CLNK: variants seen among roughly 807,000 people sequenced by gnomAD.
CLNK encodes cytokine-dependent hematopoietic cell linker.
Under a neutral mutation model 68.6 loss-of-function variants are expected in CLNK, and 74 were observed. The ratio of observed to expected loss-of-function variants is 1.08; its 90% CI spans 0.89 to 1.31. CLNK has a LOEUF of 1.31. CLNK is among the 50% of genes most tolerant of loss of function. The pLI is 0.00. For synonymous variants in CLNK, 198 were observed against 172.2 expected (o/e 1.15, Z -1.17); for missense variants, 553 against 515.3 (o/e 1.07, Z -0.71).
intron 2 of CLNK, among the ~76,000 whole-genome samples, chr4:10,605,204 C>T (rs945325136): frequency 1.3e-5 from 2 of 152,206 alleles, no homozygotes; most frequent in African/African-American, 2.4e-5. Flanking sequence ...GCTTGTGAGA[C>T]ATTTCCTTAA....
At chr4:10,550,377 C>T (rs1719399324) in intron 8 of CLNK, among the ~76,000 whole-genome samples, 2 of 152,114 alleles carry the variant, frequency 1.3e-5, no homozygotes, top group Non-Finnish European at 2.9e-5. Flanking sequence ...CGCCTGTAGT[C>T]CCAGCTACTC....
At chr4:10,606,298 C>T (rs554891686) in intron 2 of CLNK, among the ~76,000 whole-genome samples, 1 of 152,254 alleles carries the variant, frequency 6.6e-6, no homozygotes, top group Non-Finnish European at 1.5e-5. Context: ...CACTACCTGC[C>T]GCCCCAACAC....
chr4:10,583,341 C>A (rs1249448317), intron 4 of CLNK, among the ~76,000 whole-genome samples: 1 of 152,094 alleles, frequency 6.6e-6, no homozygotes, highest in Non-Finnish European at 1.5e-5. Flanking sequence ...GGCTGGAGTG[C>A]AGTGGGGTGA....
At position 10,598,032 on chromosome 4, in the gene CLNK, G is replaced by A. The variant is rs759570376; in HGVS notation, c.29C>T (p.Thr10Ile). Residue 10 changes from threonine (T) to isoleucine (I), a missense_variant, in exon 3 of 19, where the codon ACT (threonine) becomes ATT (isoleucine). Thr to Ile is a moderately conservative substitution (Grantham distance 89). Transcript: ENST00000226951. MNRQGNRKT[T>I]KEGSNDLKFQ... ...TTTCAAATCGTTGGATCCTTCTTTA[G>A]TTGTCTTTCTATTGCCCCTGGGATG... The A allele has an allele frequency of 1.2e-5, 19 of 1,586,778 alleles. No individual in the cohort carries two copies. In the Admixed American group the frequency reaches 1.6e-4, roughly 13 times the overall value.
intron 1 of CLNK, among the ~76,000 whole-genome samples, chr4:10,680,374 G>C (rs1725050926): frequency 7.7e-6 from 1 of 130,338 alleles, no homozygotes; most frequent in South Asian, 3.1e-4. Flanking sequence ...TGGTGGGTTG[G>C]GGGGAGGGGG....
At chr4:10,634,913 C>T (rs768312709) in intron 2 of CLNK, among the ~76,000 whole-genome samples, 4 of 152,152 alleles carry the variant, frequency 2.6e-5, no homozygotes, top group Non-Finnish European at 5.9e-5. Flanking sequence ...AGAGAAAAGG[C>T]CTCTCCCCCT....
At chr4:10,553,276 C>A (rs1209352852) in intron 8 of CLNK, among the ~76,000 whole-genome samples, 7 of 151,974 alleles carry the variant, frequency 4.6e-5, no homozygotes, top group Non-Finnish European at 8.8e-5. Flanking sequence ...GAATGTGATC[C>A]CAGAAAAAGC....
At chr4:10,564,413 C>T (rs1274197008) in intron 7 of CLNK, among the ~76,000 whole-genome samples, 1 of 152,184 alleles carries the variant, frequency 6.6e-6, no homozygotes, top group Non-Finnish European at 1.5e-5. Context: ...AGATGCATGT[C>T]AAAGTCCTTA....
At chr4:10,554,979 GTGAC>G (rs2108816503) in intron 8 of CLNK, among the ~76,000 whole-genome samples, 1 of 152,310 alleles carries the variant, frequency 6.6e-6, no homozygotes, top group African/African-American at 2.4e-5. Flanking sequence ...CTCTGGTCTT[GTGAC>G]TACTTGCTGA....
intron 2 of CLNK, among the ~76,000 whole-genome samples, chr4:10,662,509 T>C (rs774649336): frequency 1.3e-5 from 2 of 152,232 alleles, no homozygotes; most frequent in African/African-American, 2.4e-5. Flanking sequence ...TGTCAGGTTT[T>C]GCTGTCAAAT....
the CLNK span, among the ~76,000 whole-genome samples, chr4:10,720,440 A>C: frequency 6.6e-6 from 1 of 152,118 alleles, no homozygotes; most frequent in Admixed American, 6.6e-5. Context: ...ATACGAACAG[A>C]TATTTCGGAA....
At chr4:10,537,706 C>CCTTCCTTTCTTTCTTTCTTTCTTT (rs1553848181) in intron 11 of CLNK, among the ~76,000 whole-genome samples, 477 of 13,358 alleles carry the variant, frequency 0.036, 104 homozygotes, top group Middle Eastern at 0.071. Flanking sequence ...TTCCTTCCTT[C>CCTTCCTTTCTTTCTTTCTTTCTTT]CTTTCTTTCT....
At chr4:10,708,124 G>A in the CLNK span, among the ~76,000 whole-genome samples, 1,475 of 152,292 alleles carry the variant, frequency 9.7e-3, 7 homozygotes, top group East Asian at 0.058. Flanking sequence ...GCAGGAGGAA[G>A]TGGACAGTAT....
intron 2 of CLNK, among the ~76,000 whole-genome samples, chr4:10,616,930 A>T (rs1191529244): frequency 6.6e-6 from 1 of 151,830 alleles, no homozygotes; most frequent in Non-Finnish European, 1.5e-5. Context: ...TCTGTGGTAG[A>T]ACGAACTCAG....
intron 2 of CLNK, among the ~76,000 whole-genome samples, chr4:10,646,189 G>A (rs935405432): frequency 5.9e-5 from 9 of 152,030 alleles, no homozygotes; most frequent in African/African-American, 1.9e-4. Flanking sequence ...TTGTATACCT[G>A]TATCAAAATA....
intron 2 of CLNK, among the ~76,000 whole-genome samples, chr4:10,611,417 G>T (rs1463712456): frequency 1.3e-5 from 2 of 151,362 alleles, no homozygotes; most frequent in Non-Finnish European, 2.9e-5. Flanking sequence ...AGAATCATCT[G>T]AACCTGGGAG....
intron 4 of CLNK, among the ~76,000 whole-genome samples, chr4:10,577,386 CAG>C (rs1177021211): frequency 1.3e-5 from 2 of 152,144 alleles, no homozygotes; most frequent in African/African-American, 4.8e-5. Context: ...TACTCTGTGG[CAG>C]AGACAGTTGT....
chr4:10,510,904 A>G (rs929266647), intron 16 of CLNK, among the ~76,000 whole-genome samples: 1 of 152,156 alleles, frequency 6.6e-6, no homozygotes, highest in Non-Finnish European at 1.5e-5. Flanking sequence ...TGTAATCCCA[A>G]CACTTTGGGA....
At chr4:10,526,056 T>C (rs926739320) in intron 13 of CLNK, 134 bp from the exon 14 acceptor site, 1 of 613,636 alleles carries the variant, frequency 1.6e-6, no homozygotes, top group Non-Finnish European at 2.9e-6. Flanking sequence ...TGATGGTCGG[T>C]GGAAACTATA....
Sources: gnomAD v4.1 joint callset for allele counts (sites outside exome capture counted in the v4.1 genomes callset) on GRCh38, gnomAD v4.1.1 for gene constraint, MANE v1.5 for transcripts, NCBI Gene and HGNC (gene_info 2026-07-23, HGNC 2026-07-21) for gene names.